ATXN2: variants seen among roughly 807,000 people sequenced by gnomAD.
The protein encoded by ATXN2 is ataxin-2.
A neutral mutation model predicts 138.6 loss-of-function variants in ATXN2; 37 were observed. That is an observed-to-expected ratio of 0.27 (90% CI 0.21 to 0.35). The LOEUF is 0.35. Ranked by LOEUF, ATXN2 falls within the 10% of genes least tolerant of loss-of-function variation. The pLI, the probability that ATXN2 is intolerant of heterozygous loss-of-function variation, is 1.00. For synonymous variants in ATXN2, 549 were observed against 543.7 expected (o/e 1.01, Z -0.13); for missense variants, 1,216 against 1,480.3 (o/e 0.82, Z 2.93).
intron 11 of ATXN2, chr12:111,511,517 T>C (rs986244947): frequency 1.3e-5 from 2 of 151,280 alleles, no homozygotes; most frequent in Admixed American, 6.6e-5. Context: ...TGGAGTGCAG[T>C]GGCGCGATCT....
chr12:111,521,136 C>CT (rs1458898656), intron 6 of ATXN2, among the ~76,000 whole-genome samples, 163 bp from the exon 7 acceptor site: 1 of 152,156 alleles, frequency 6.6e-6, no homozygotes, highest in East Asian at 1.9e-4. Context: ...TAGAAAAATA[C>CT]TTATCAGCCC....
intron 18 of ATXN2, among the ~76,000 whole-genome samples, chr12:111,478,133 G>A (rs867368243): frequency 8.6e-5 from 13 of 152,018 alleles, no homozygotes; most frequent in African/African-American, 2.2e-4. Context: ...TAGGACAGGC[G>A]CAGTGGCTCA....
Position 111,488,580 on chromosome 12 carries a change from C to T in ATXN2, c.2136G>A (p.Thr712=), listed in dbSNP as rs756983711. The change falls in exon 15 of 25, where the codon ACG becomes ACA. Residue 712 remains threonine, a synonymous_variant. Transcript: ENST00000673436. ...PSISPSILSN[T]EHKRGPEVTS... is the part of the protein sequence containing the mutation. ...TGACCTCAGGTCCCCTCTTGTGCTC[C>T]GTGTTACTAAGTATTGAAGGGGAAA... 3.7e-6 allele frequency: 6 copies of T among 1,614,134 alleles called. No individual in the cohort carries two copies. The highest frequency in any genetic ancestry group is 1.7e-5 in the Admixed American group (1 of 60,004).
chr12:111,585,700 A>G (rs568876382), intron 1 of ATXN2, among the ~76,000 whole-genome samples: 21 of 147,982 alleles, frequency 1.4e-4, no homozygotes, highest in Middle Eastern at 3.6e-3. Flanking sequence ...GCTACTCAGG[A>G]GTCAGGCAGG....
intron 18 of ATXN2, among the ~76,000 whole-genome samples, chr12:111,484,916 G>A (rs1324619186): frequency 6.6e-6 from 1 of 152,016 alleles, no homozygotes; most frequent in Non-Finnish European, 1.5e-5. Flanking sequence ...AATTTTAGTA[G>A]AGACAAAGTC....
chr12:111,496,181 T>C (rs1007851518), intron 14 of ATXN2, among the ~76,000 whole-genome samples: 1 of 151,404 alleles, frequency 6.6e-6, no homozygotes, highest in South Asian at 2.1e-4. Flanking sequence ...AACAAATAAA[T>C]AAATAAAAAT....
chr12:111,495,308 CAAAAAAAAA>C (rs374203441), intron 14 of ATXN2, among the ~76,000 whole-genome samples: 4 of 60,390 alleles, frequency 6.6e-5, no homozygotes, highest in African/African-American at 2.0e-4. Context: ...AACTCTGTCT[CAAAAAAAAA>C]AAAAAAAAAA....
rs575868362 is a variant in ATXN2 at position 111,592,065 on chromosome 12, G to A, written c.251+6719C>T. Among the ~76,000 whole-genome samples the A allele has an allele frequency of 2.1e-5, 3 of 143,788 alleles. No homozygotes were observed. The South Asian group carries it at 6.4e-4, about 31-fold the overall frequency. 94.3% of individuals were successfully genotyped at this position (143,788 alleles called of 152,430 possible). A position where few individuals can be genotyped will look rare whatever the true frequency, so the allele number is the denominator to read the frequency against. ...CCACTGCACTCCAGCCTGGGAAAGAGCAAAACTGTCTCAAAAAAAAAAAAA... is the reference window on the plus strand; with the variant it reads ...CCACTGCACTCCAGCCTGGGAAAGAACAAAACTGTCTCAAAAAAAAAAAAA... On this transcript the variant is annotated intron_variant, in intron 1 of 24. Transcript: ENST00000673436.
chr12:111,584,680 A>G (rs565773768), intron 1 of ATXN2, among the ~76,000 whole-genome samples: 1 of 152,094 alleles, frequency 6.6e-6, no homozygotes. Context: ...AAATACAAAA[A>G]TTAGGCCGGG....
Position 111,457,266 on chromosome 12 carries a change from C to A in ATXN2, c.2990G>T (p.Gly997Val), listed in dbSNP as rs759825988. ...TCCACCATGTTGGCTTTGCTGCTGT[C>A]CAGTGGGGGTAGCTGAAGGCTGAGG... Reference protein sequence around the residue: ...PHPQPSATPTGQQQSQHGGSH... With the variant: ...PHPQPSATPTVQQQSQHGGSH... Residue 997 changes from glycine (G) to valine (V), a missense_variant, in exon 22 of 25, where the codon GGA becomes GTA. Coordinates refer to ENST00000673436, the MANE Select transcript of ATXN2 (RefSeq NM_001372574.1). 18 of 1,614,092 alleles carry A rather than the reference C, an allele frequency of 1.1e-5. No individual in the cohort carries two copies. The highest frequency in any genetic ancestry group is 1.4e-5 in the Non-Finnish European group (17 of 1,179,992).
At chr12:111,489,926 C>T (rs948732699) in intron 14 of ATXN2, among the ~76,000 whole-genome samples, 1 of 151,872 alleles carries the variant, frequency 6.6e-6, no homozygotes, top group Non-Finnish European at 1.5e-5. Flanking sequence ...TTCAGGGCTG[C>T]GTGCAGTGGC....
chr12:111,546,446 T>C (rs903362535), intron 5 of ATXN2, among the ~76,000 whole-genome samples: 1 of 152,170 alleles, frequency 6.6e-6, no homozygotes, highest in African/African-American at 2.4e-5. Context: ...CGCATGGGCA[T>C]AGCTATGCTA....
chr12:111,540,090 A>G (rs1011241184), intron 5 of ATXN2, among the ~76,000 whole-genome samples: 1 of 150,442 alleles, frequency 6.6e-6, no homozygotes, highest in African/African-American at 2.4e-5. Context: ...CTGTTCAAGT[A>G]CACATGCCCA....
intron 21 of ATXN2, chr12:111,461,267 C>T (rs1875559182): frequency 6.6e-6 from 1 of 151,960 alleles, no homozygotes; most frequent in Non-Finnish European, 1.5e-5. Context: ...GTTAGGAGTT[C>T]GAGACCAGCT....
At chr12:111,493,267 A>C (rs953750042) in intron 14 of ATXN2, among the ~76,000 whole-genome samples, 5 of 151,982 alleles carry the variant, frequency 3.3e-5, no homozygotes, top group African/African-American at 1.2e-4. Context: ...TAAAAATACA[A>C]AAAGTAGCTG....
At chr12:111,527,671 A>G (rs796676405) in intron 5 of ATXN2, among the ~76,000 whole-genome samples, 5 of 152,290 alleles carry the variant, frequency 3.3e-5, no homozygotes, top group African/African-American at 1.2e-4. Context: ...GTGCTGAGGG[A>G]GTTCCCCAGA....
At chr12:111,544,071 T>C (rs1321053109) in intron 5 of ATXN2, among the ~76,000 whole-genome samples, 1 of 152,054 alleles carries the variant, frequency 6.6e-6, no homozygotes, top group East Asian at 1.9e-4. Context: ...AGCATGACCC[T>C]GTTTCTTTAA....
At chr12:111,593,342 G>A (rs188356411) in intron 1 of ATXN2, among the ~76,000 whole-genome samples, 19 of 152,012 alleles carry the variant, frequency 1.2e-4, no homozygotes, top group East Asian at 1.9e-4. Flanking sequence ...TGATCCACCC[G>A]CCTCAGCCTC....
At position 111,516,245 on chromosome 12, in the gene ATXN2, G is replaced by A; in HGVS notation, c.1284C>T (p.Pro428=). 6.4e-7 allele frequency: 1 copy of A among 1,566,962 alleles called. No homozygotes were observed. Among genetic ancestry groups the A allele is most frequent in the Non-Finnish European group, 8.6e-7 (1 of 1,163,086 alleles). ...AATPTRPPSR[P]PSRPSRPPSH... is the part of the protein sequence containing the mutation. ...ACGGGGGTCTGGATGGCCGCGAGGGGGGCCTGGAGGGCGGCCGTGTAGGGG... is the reference window on the plus strand; with the variant it reads ...ACGGGGGTCTGGATGGCCGCGAGGGAGGCCTGGAGGGCGGCCGTGTAGGGG... The change falls in exon 10 of 25, where the codon CCC becomes CCT. Residue 428 remains proline, a synonymous_variant. Coordinates refer to ENST00000673436, the MANE Select transcript of ATXN2 (RefSeq NM_001372574.1). This position sits in a 1 kb window ranked among gnomAD's most constrained non-coding sequence, Gnocchi z 5.0.
Sources: allele counts gnomAD v4.1 joint callset (sites outside exome capture counted in the v4.1 genomes callset), GRCh38; gene constraint gnomAD v4.1.1; non-coding constraint Gnocchi (gnomAD v3.1); transcripts MANE v1.5; gene names NCBI Gene and HGNC (gene_info 2026-07-23, HGNC 2026-07-21).